Variants in DSE observed in about 807,000 individuals in gnomAD.
The protein encoded by DSE is dermatan-sulfate epimerase.
A neutral mutation model predicts 84.4 loss-of-function variants in DSE; 36 were observed. The ratio of observed to expected loss-of-function variants is 0.43; its 90% CI spans 0.33 to 0.56. DSE has a LOEUF of 0.56. Ranked by LOEUF, DSE falls within the 20% of genes least tolerant of loss-of-function variation. DSE has a pLI of 0.06. For synonymous variants in DSE, 410 were observed against 430.1 expected, an observed-to-expected ratio of 0.95 and a Z score of 0.58; for missense variants, 862 against 1,169.6, an observed-to-expected ratio of 0.74 and a Z score of 3.84.
chr6:116,314,152 G>C (rs914428496), intron 2 of DSE, among the ~76,000 whole-genome samples: 1 of 151,396 alleles, frequency 6.6e-6, no homozygotes, highest in Non-Finnish European at 1.5e-5. Flanking sequence ...TTGCTTTTCT[G>C]GTCCATGTGC....
At chr6:116,310,186 A>G (rs1001823301) in intron 2 of DSE, among the ~76,000 whole-genome samples, 2 of 152,128 alleles carry the variant, frequency 1.3e-5, no homozygotes, top group African/African-American at 2.4e-5. Flanking sequence ...TTGGAACCCT[A>G]CATTCTTTAT....
chr6:116,365,914 T>C (rs1002226246), upstream of DSE, among the ~76,000 whole-genome samples: 2 of 152,146 alleles, frequency 1.3e-5, no homozygotes, highest in Non-Finnish European at 2.9e-5. Context: ...TTCTGAGAGG[T>C]AGGGTATCAC....
intron 1 of DSE, 110 bp downstream of exon 1, chr6:116,371,231 A>AGCCACGTCCCCGGCTGAGAGCGGAGC (rs1779536449): frequency 2.0e-6 from 2 of 982,006 alleles, no homozygotes; most frequent in Non-Finnish European, 2.4e-6. Flanking sequence ...GGAGACGGAG[A>AGCCACGTCCCCGGCTGAGAGCGGAGC]GCCACGTCCC....
chr6:116,275,965 TTTGC>T (rs1773122972), intron 2 of DSE, among the ~76,000 whole-genome samples: 1 of 152,236 alleles, frequency 6.6e-6, no homozygotes, highest in Non-Finnish European at 1.5e-5. Flanking sequence ...TAATTCTTTG[TTTGC>T]TTATCAGTCC....
At chr6:116,330,689 T>C (rs1387124401) in intron 2 of DSE, among the ~76,000 whole-genome samples, 1 of 152,212 alleles carries the variant, frequency 6.6e-6, no homozygotes, top group Non-Finnish European at 1.5e-5. Flanking sequence ...TATCTCCTTA[T>C]GACTCAAAAA....
chr6:116,305,967 A>C (rs1775320106), intron 2 of DSE, among the ~76,000 whole-genome samples: 1 of 152,246 alleles, frequency 6.6e-6, no homozygotes, highest in Non-Finnish European at 1.5e-5. Context: ...TCTGTAACAT[A>C]TACACTGAAT....
At chr6:116,274,771 A>G (rs1206475224) in intron 2 of DSE, among the ~76,000 whole-genome samples, 1 of 152,234 alleles carries the variant, frequency 6.6e-6, no homozygotes, top group Non-Finnish European at 1.5e-5. Context: ...AGTTCATTAA[A>G]GAAATTTTAC....
At chr6:116,262,073 C>A (rs1427116574) in intron 2 of DSE, among the ~76,000 whole-genome samples, 3 of 152,176 alleles carry the variant, frequency 2.0e-5, no homozygotes, top group Non-Finnish European at 4.4e-5. Context: ...TGTTGTATCT[C>A]TGCCAGGTTT....
intron 2 of DSE, among the ~76,000 whole-genome samples, chr6:116,265,831 G>A (rs7766173): frequency 1.3e-5 from 2 of 152,180 alleles, no homozygotes; most frequent in East Asian, 3.9e-4. Context: ...GTCAAGCCTA[G>A]AGGGGACAGC....
intron 1 of DSE, among the ~76,000 whole-genome samples, chr6:116,374,325 C>G (rs1358497602): frequency 6.6e-6 from 1 of 152,154 alleles, no homozygotes; most frequent in African/African-American, 2.4e-5. Flanking sequence ...AATACTGTTA[C>G]TGACTTAGGA....
At chr6:116,350,366 C>CT (rs1562247273) in intron 2 of DSE, among the ~76,000 whole-genome samples, 2 of 152,172 alleles carry the variant, frequency 1.3e-5, no homozygotes, top group Middle Eastern at 3.4e-3. Context: ...GCAATAAATT[C>CT]TTTTTTTAAA....
At chr6:116,435,467 T>C in intron 5 of DSE, 120 bp from the exon 6 acceptor site, 2 of 977,624 alleles carry the variant, frequency 2.0e-6, no homozygotes, top group South Asian at 3.5e-5. Context: ...TTGTCCCTAA[T>C]ATACTCTGCA....
intron 2 of DSE, 54 bp from the exon 3 acceptor site, chr6:116,426,519 TG>T (rs1783465044): frequency 6.3e-7 from 1 of 1,581,614 alleles, no homozygotes; most frequent in African/African-American, 1.3e-5. Context: ...TTTAGAAGTG[TG>T]GTGAAAGCTG....
At chr6:116,286,668 A>T (rs1773927338) in intron 2 of DSE, among the ~76,000 whole-genome samples, 1 of 152,178 alleles carries the variant, frequency 6.6e-6, no homozygotes. Flanking sequence ...TTGATATGTA[A>T]GGACATTAAC....
At position 116,437,221 on chromosome 6, in the gene DSE, T is replaced by C. The variant is rs1395478651; in HGVS notation, c.2753T>C (p.Met918Thr). ...GCTATTTTCTTTGTCATGTTGGCAA[T>C]GCAACTGACTTATTTCCAGAGGGCC... is the stretch of plus-strand genomic sequence containing the variant. ...NIAIFFVMLAMQLTYFQRAQS... is the reference protein window; with the variant it reads ...NIAIFFVMLATQLTYFQRAQS... The change falls in exon 6 of 6, where the codon ATG becomes ACG. Residue 918 changes from methionine (M) to threonine (T), a missense_variant. Physicochemically the swap from Met to Thr is moderately conservative, Grantham distance 81. Coordinates refer to ENST00000644252, the MANE Select transcript of DSE (RefSeq NM_013352.4). 1.9e-6 allele frequency: 3 copies of C among 1,614,134 alleles called. No homozygotes were observed. The highest frequency in any genetic ancestry group is 3.3e-5 in the Admixed American group (2 of 60,006).
At chr6:116,428,498 A>T (rs1450738891) in intron 3 of DSE, among the ~76,000 whole-genome samples, 1 of 152,224 alleles carries the variant, frequency 6.6e-6, no homozygotes, top group Non-Finnish European at 1.5e-5. Flanking sequence ...GTTTGGATTG[A>T]ATCAAAATAT....
chr6:116,431,345 A>C, intron 4 of DSE, 152 bp downstream of exon 4: 1 of 1,148,554 alleles, frequency 8.7e-7, no homozygotes, highest in East Asian at 2.7e-5. Context: ...AATTGAATTC[A>C]AGAGTTGCAT....
At chr6:116,399,722 A>G in intron 2 of DSE, 56 bp downstream of exon 2, 1 of 1,527,030 alleles carries the variant, frequency 6.5e-7, no homozygotes, top group Non-Finnish European at 8.9e-7. Context: ...AAAGAAACAA[A>G]TCCATATGAC....
intron 2 of DSE, among the ~76,000 whole-genome samples, chr6:116,345,879 A>G (rs1414675349): frequency 1.3e-5 from 2 of 152,204 alleles, no homozygotes; most frequent in Non-Finnish European, 2.9e-5. Context: ...TAGCAAGACT[A>G]ATAAAGAAGA....
Sources: allele counts gnomAD v4.1 joint callset (sites outside exome capture counted in the v4.1 genomes callset), GRCh38; gene constraint gnomAD v4.1.1; transcripts MANE v1.5; gene names NCBI Gene and HGNC (gene_info 2026-07-23, HGNC 2026-07-21).